Variants in C1QTNF3 observed in about 807,000 individuals in gnomAD.
C1QTNF3 encodes the protein C1q and TNF related 3.
A neutral mutation model predicts 32.6 loss-of-function variants in C1QTNF3; 26 were observed. The ratio of observed to expected loss-of-function variants is 0.80; its 90% CI spans 0.58 to 1.11. The LOEUF (loss-of-function observed/expected upper bound fraction) is 1.11, where lower values mean the gene tolerates loss of function less well. Ranked by LOEUF, C1QTNF3 falls within the 50% of genes least tolerant of loss-of-function variation. The pLI, the probability that C1QTNF3 is intolerant of heterozygous loss-of-function variation, is 0.00. For synonymous variants in C1QTNF3, 155 were observed against 146.0 expected (o/e 1.06, Z -0.44); for missense variants, 362 against 398.2 (o/e 0.91, Z 0.77).
rs1754310158 is a variant in C1QTNF3 at position 34,020,802 on chromosome 5, C to G, written c.801-60G>C. On this transcript the variant is annotated intron_variant, in intron 5 of 5. Transcript: ENST00000382065. ...TTGCCATGAACAACCAGCTCTTCAC[C>G]AAAGTCTGTGCTCCCCTTCTCTCCT... is the stretch of plus-strand genomic sequence containing the variant. The G allele has an allele frequency of 5.2e-6, 8 of 1,539,080 alleles. No homozygotes were observed. In the Admixed American group the frequency reaches 1.4e-4, roughly 27 times the overall value.
chr5:34,114,570 T>C, the C1QTNF3 span, among the ~76,000 whole-genome samples: 10 of 152,282 alleles, frequency 6.6e-5, no homozygotes, highest in Middle Eastern at 3.4e-3. Flanking sequence ...TTATTTTATA[T>C]CCACAGAGAT....
At chr5:34,220,497 C>T in the C1QTNF3 span, among the ~76,000 whole-genome samples, 1 of 120,130 alleles carries the variant, frequency 8.3e-6, no homozygotes, top group African/African-American at 6.2e-5. Flanking sequence ...TTAGCATACA[C>T]ACACACACAC....
the C1QTNF3 span, among the ~76,000 whole-genome samples, chr5:34,054,112 G>A: frequency 6.6e-6 from 1 of 152,304 alleles, no homozygotes; most frequent in Admixed American, 6.5e-5. Flanking sequence ...CCAGAAGGAT[G>A]GCTTTCAGAG....
At chr5:34,139,144 A>G in the C1QTNF3 span, among the ~76,000 whole-genome samples, 2 of 151,962 alleles carry the variant, frequency 1.3e-5, no homozygotes, top group Non-Finnish European at 2.9e-5. Flanking sequence ...ATATATAAGC[A>G]TATGTATACA....
At chr5:34,127,155 G>A in the C1QTNF3 span, among the ~76,000 whole-genome samples, 6 of 151,860 alleles carry the variant, frequency 4.0e-5, no homozygotes, top group African/African-American at 1.5e-4. Flanking sequence ...TGTGAAAATG[G>A]ACTAATACAG....
At chr5:34,211,861 T>C in the C1QTNF3 span, among the ~76,000 whole-genome samples, 4 of 152,048 alleles carry the variant, frequency 2.6e-5, no homozygotes, top group Non-Finnish European at 2.9e-5. Flanking sequence ...GCCATCCCCA[T>C]CAAGCTACCA....
the C1QTNF3 span, among the ~76,000 whole-genome samples, chr5:34,135,507 T>G: frequency 6.6e-6 from 1 of 152,172 alleles, no homozygotes; most frequent in Non-Finnish European, 1.5e-5. Context: ...ACAGCTCCTC[T>G]TTGTACCTCT....
chr5:34,207,936 C>T, the C1QTNF3 span, among the ~76,000 whole-genome samples: 9 of 152,000 alleles, frequency 5.9e-5, no homozygotes, highest in African/African-American at 2.2e-4. Flanking sequence ...TACAGGCGCC[C>T]GCCACCGTGC....
chr5:34,159,069 C>A, the C1QTNF3 span, among the ~76,000 whole-genome samples: 1 of 152,026 alleles, frequency 6.6e-6, no homozygotes, highest in Non-Finnish European at 1.5e-5. Flanking sequence ...CCAAATAAGT[C>A]AGTGCCTTCT....
the C1QTNF3 span, among the ~76,000 whole-genome samples, chr5:34,203,934 T>C: frequency 4.1e-4 from 62 of 151,888 alleles, no homozygotes; most frequent in African/African-American, 1.5e-3. Context: ...AGGAAGTCAT[T>C]ACATAATGAT....
At chr5:34,122,463 G>A in the C1QTNF3 span, among the ~76,000 whole-genome samples, 1 of 152,228 alleles carries the variant, frequency 6.6e-6, no homozygotes, top group African/African-American at 2.4e-5. Context: ...TTTTCCTCGT[G>A]TTTTCAGGAA....
chr5:34,207,422 T>A, the C1QTNF3 span, among the ~76,000 whole-genome samples: 1 of 152,050 alleles, frequency 6.6e-6, no homozygotes, highest in Non-Finnish European at 1.5e-5. Flanking sequence ...TCAGGTAACA[T>A]GAGTGAGAAG....
chr5:34,081,919 G>T, the C1QTNF3 span, among the ~76,000 whole-genome samples: 1 of 151,534 alleles, frequency 6.6e-6, no homozygotes, highest in Non-Finnish European at 1.5e-5. Context: ...AGCATAAGTA[G>T]AATAAAATAT....
the C1QTNF3 span, among the ~76,000 whole-genome samples, chr5:34,108,384 T>C: frequency 2.0e-5 from 3 of 152,174 alleles, no homozygotes; most frequent in Admixed American, 2.0e-4. Context: ...TACACTCTTA[T>C]TTATTGTGCT....
rs2112089398 is a variant in C1QTNF3 at position 34,018,576 on chromosome 5, A to G, written c.*2007T>C. On this transcript the variant is annotated 3_prime_UTR_variant, in exon 6 of 6. Transcript: ENST00000382065. ...GTAAATGTTTATGAATTCCAGCCAC[A>G]TCATTTGGAGTTTACATTTGCATAT... Among the ~76,000 whole-genome samples, 1 of 152,330 alleles carries G rather than the reference A, an allele frequency of 6.6e-6. No homozygotes were observed. The highest frequency in any genetic ancestry group is 1.5e-5 in the Non-Finnish European group (1 of 68,038).
At chr5:34,086,534 TAC>T in the C1QTNF3 span, among the ~76,000 whole-genome samples, 2 of 132,802 alleles carry the variant, frequency 1.5e-5, no homozygotes, top group African/African-American at 5.8e-5. Flanking sequence ...TAGGCACACA[TAC>T]ACAGAGCATA....
the C1QTNF3 span, among the ~76,000 whole-genome samples, chr5:34,070,400 G>A: frequency 6.6e-6 from 1 of 152,138 alleles, no homozygotes; most frequent in Non-Finnish European, 1.5e-5. Flanking sequence ...TGGGGGCAGA[G>A]AGTAAATTCT....
At chr5:34,067,203 G>C in the C1QTNF3 span, among the ~76,000 whole-genome samples, 7 of 152,312 alleles carry the variant, frequency 4.6e-5, no homozygotes, top group Non-Finnish European at 7.3e-5. Flanking sequence ...CAAGTCTCTA[G>C]GGAGTTTCAA....
At chr5:34,174,550 C>A in the C1QTNF3 span, among the ~76,000 whole-genome samples, 1 of 152,110 alleles carries the variant, frequency 6.6e-6, no homozygotes, top group Non-Finnish European at 1.5e-5. Context: ...TAAGCTTTAA[C>A]CTTTCAAAAG....
Sources: gnomAD v4.1 joint callset for allele counts (sites outside exome capture counted in the v4.1 genomes callset) on GRCh38, gnomAD v4.1.1 for gene constraint, MANE v1.5 for transcripts, NCBI Gene and HGNC (gene_info 2026-07-23, HGNC 2026-07-21) for gene names.